DOCK2: variants seen among roughly 807,000 people sequenced by gnomAD.
DOCK2 encodes the protein dedicator of cytokinesis protein 2.
In DOCK2, 87 loss-of-function variants were observed where a neutral mutation model predicts 248.9. That is an observed-to-expected ratio of 0.35 (90% CI 0.29 to 0.42). The LOEUF is 0.42. Ranked by LOEUF, DOCK2 falls within the 10% of genes least tolerant of loss-of-function variation. DOCK2 has a pLI of 1.00. For synonymous variants in DOCK2, 805 were observed against 821.6 expected (o/e 0.98, Z 0.35); for missense variants, 1,747 against 2,300.2 (o/e 0.76, Z 4.92).
chr5:169,874,432 A>AG (rs1491484811), intron 27 of DOCK2, among the ~76,000 whole-genome samples: 1 of 140,778 alleles, frequency 7.1e-6, no homozygotes, highest in Admixed American at 7.0e-5. Flanking sequence ...AAAAAAAAAA[A>AG]GCAATTGGTG....
chr5:169,963,258 T>C (rs1777164563), intron 27 of DOCK2, among the ~76,000 whole-genome samples: 1 of 152,164 alleles, frequency 6.6e-6, no homozygotes, highest in South Asian at 2.1e-4. Flanking sequence ...ACTGATGAGA[T>C]GGATGATGAC....
intron 25 of DOCK2, among the ~76,000 whole-genome samples, chr5:169,799,771 A>T (rs544548526): frequency 6.6e-6 from 1 of 152,192 alleles, no homozygotes; most frequent in South Asian, 2.1e-4. Context: ...GTGGCTAATC[A>T]ATGTATTGTA....
intron 2 of DOCK2, among the ~76,000 whole-genome samples, chr5:169,660,061 A>T (rs1758354740): frequency 6.6e-6 from 1 of 152,138 alleles, no homozygotes; most frequent in Admixed American, 6.5e-5. Flanking sequence ...GCCCTCTATG[A>T]TCAGCTTGTC....
intron 25 of DOCK2, among the ~76,000 whole-genome samples, chr5:169,771,768 G>C (rs77739660): frequency 0.093 from 14,170 of 152,012 alleles, 881 homozygotes; most frequent in African/African-American, 0.18. Context: ...TCAAATCAAT[G>C]TTTTTTTAGT....
chr5:169,916,530 G>T (rs1183381442), intron 27 of DOCK2, among the ~76,000 whole-genome samples: 1 of 152,170 alleles, frequency 6.6e-6, no homozygotes, highest in African/African-American at 2.4e-5. Flanking sequence ...ACTAGCTATT[G>T]GGCAACCTTC....
chr5:169,704,759 ATGTGTGTGTGTGTGTGTG>A (rs56289708), intron 14 of DOCK2, among the ~76,000 whole-genome samples: 2,449 of 139,982 alleles, frequency 0.017, 77 homozygotes, highest in African/African-American at 0.061. Context: ...CTCCATATAT[ATGTGTGTGTGTGTGTGTG>A]TGTGTGTGTG....
rs925273976 is a variant in DOCK2 at position 169,640,721 on chromosome 5, T to C, written c.43+3352T>C. ...TGGAGCCAACTTTCTGTCTTCTTCATTGCCATAAAACTTCCCTGGGAGAGG... is the reference window on the plus strand; with the variant it reads ...TGGAGCCAACTTTCTGTCTTCTTCACTGCCATAAAACTTCCCTGGGAGAGG... On this transcript the variant is annotated intron_variant, in intron 1 of 51. Transcript: ENST00000520908. Among the ~76,000 whole-genome samples the C allele has an allele frequency of 2.6e-5, 4 of 152,344 alleles. No individual in the cohort carries two copies. The East Asian group carries it at 7.7e-4, about 29-fold the overall frequency.
rs773312273 is a variant in DOCK2, at chr5:170,077,854, C to G, written c.4994+17C>G. On this transcript the variant is annotated intron_variant, in intron 48 of 51. Coordinates refer to ENST00000520908, the MANE Select transcript of DOCK2 (RefSeq NM_004946.3). ...CTCAGAGAGGTCAGTCCCTGCACCC[C>G]AAGGAGCCCCCCACACCCCTGCCTC... 2 of 1,610,580 alleles carry G rather than the reference C, an allele frequency of 1.2e-6. No homozygotes were observed. Among genetic ancestry groups the G allele is most frequent in the South Asian group, 1.1e-5 (1 of 90,952 alleles).
chr5:169,759,043 G>T (rs1446334722), intron 23 of DOCK2, among the ~76,000 whole-genome samples: 1 of 152,208 alleles, frequency 6.6e-6, no homozygotes, highest in Non-Finnish European at 1.5e-5. Flanking sequence ...CTTAGCAAGT[G>T]GTGTTGCTAT....
At chr5:169,787,898 C>A (rs1766086950) in intron 25 of DOCK2, among the ~76,000 whole-genome samples, 1 of 151,720 alleles carries the variant, frequency 6.6e-6, no homozygotes, top group Non-Finnish European at 1.5e-5. Context: ...AATTAAGAAG[C>A]CACTCTCTGC....
chr5:169,873,364 G>C (rs1258297789), intron 27 of DOCK2, among the ~76,000 whole-genome samples: 1 of 152,202 alleles, frequency 6.6e-6, no homozygotes, highest in Non-Finnish European at 1.5e-5. Flanking sequence ...CATTTAAGCT[G>C]TGTTTGCTAT....
chr5:169,868,715 A>G (rs2113446154), intron 27 of DOCK2, among the ~76,000 whole-genome samples: 1 of 152,304 alleles, frequency 6.6e-6, no homozygotes, highest in South Asian at 2.1e-4. Context: ...CTATGAGTGC[A>G]CCACTGCACT....
chr5:170,069,210 T>C lies in DOCK2; in HGVS notation c.4718T>C (p.Ile1573Thr), dbSNP rs1338333679. ...AAGCTGACCCACCTCAAGGACCTGA[T>C]TGCATGGCAGGTGAGGCAGCGCTGG... is the stretch of plus-strand genomic sequence containing the variant. ...QDKLTHLKDL[I>T]AWQIPFLGAG... Residue 1573 changes from isoleucine (I) to threonine (T), a missense_variant, in exon 46 of 52, where the codon ATT (isoleucine) becomes ACT (threonine). Physicochemically the swap from Ile to Thr is moderately conservative, Grantham distance 89. Around this residue, in one of 4 missense-constraint regions of DOCK2, gnomAD observed 513 missense variants for 586.1 expected, o/e 0.88. Coordinates refer to ENST00000520908, the MANE Select transcript of DOCK2 (RefSeq NM_004946.3). 4 of 1,613,938 alleles carry C rather than the reference T, an allele frequency of 2.5e-6. No homozygotes were observed. Among genetic ancestry groups the C allele is most frequent in the Admixed American group, 1.7e-5 (1 of 60,012 alleles).
At chr5:170,057,097 A>G (rs1292439542) in intron 43 of DOCK2, 6 of 362,894 alleles carry the variant, frequency 1.7e-5, no homozygotes, top group Non-Finnish European at 3.1e-5. Context: ...AAACACCAGT[A>G]AGAAGCCACA....
At chr5:170,067,240 CCTT>C (rs574381207) in intron 44 of DOCK2, among the ~76,000 whole-genome samples, 190 of 148,820 alleles carry the variant, frequency 1.3e-3, no homozygotes, top group African/African-American at 3.9e-3. Context: ...GAAGAGAAAA[CCTT>C]CTCTGGGGCA....
intron 30 of DOCK2, among the ~76,000 whole-genome samples, chr5:170,003,940 C>T (rs1329991855): frequency 6.6e-5 from 10 of 152,178 alleles, no homozygotes; most frequent in African/African-American, 2.4e-4. Context: ...TGGGCAGGGG[C>T]TATGGGTGAG....
chr5:169,648,337 T>C (rs1257513495), intron 1 of DOCK2, among the ~76,000 whole-genome samples: 1 of 152,116 alleles, frequency 6.6e-6, no homozygotes, highest in East Asian at 1.9e-4. Context: ...CATCAACAAA[T>C]GTCTCTTCTA....
At chr5:169,841,824 A>G (rs1200597146) in intron 27 of DOCK2, among the ~76,000 whole-genome samples, 1 of 152,232 alleles carries the variant, frequency 6.6e-6, no homozygotes, top group East Asian at 1.9e-4. Flanking sequence ...TTGTCTAGCT[A>G]TCCTCATGAG....
At chr5:169,772,230 C>G (rs1294345220) in intron 25 of DOCK2, among the ~76,000 whole-genome samples, 1 of 152,194 alleles carries the variant, frequency 6.6e-6, no homozygotes, top group Non-Finnish European at 1.5e-5. Flanking sequence ...CCAGTCAAGC[C>G]CCTGAATTAG....
Sources: allele counts gnomAD v4.1 joint callset (sites outside exome capture counted in the v4.1 genomes callset), GRCh38; gene constraint gnomAD v4.1.1; regional missense constraint gnomAD v4.1.1; transcripts MANE v1.5; gene names NCBI Gene and HGNC (gene_info 2026-07-23, HGNC 2026-07-21).